The following MYH11 variants were observed in gnomAD, a reference collection of about 807,000 sequenced individuals.
The protein encoded by MYH11 is myosin-11.
In MYH11, 80 loss-of-function variants were observed where a neutral mutation model predicts 246.6. The ratio of observed to expected loss-of-function variants is 0.32; its 90% CI spans 0.27 to 0.39. MYH11 has a LOEUF of 0.39. Ranked by LOEUF, MYH11 falls within the 10% of genes least tolerant of loss-of-function variation. The probability of loss-of-function intolerance (pLI) is 1.00; values close to 1 mark genes in which losing one functional copy is unlikely to be tolerated. For synonymous variants in MYH11, 1,071 were observed against 1,015.5 expected (o/e 1.05, Z -1.04); for missense variants, 2,158 against 2,546.8 (o/e 0.85, Z 3.29).
intron 1 of MYH11, among the ~76,000 whole-genome samples, chr16:15,840,579 A>C (rs1241605365): frequency 6.6e-6 from 1 of 152,138 alleles, no homozygotes; most frequent in Non-Finnish European, 1.5e-5. Flanking sequence ...AAAAAAATTA[A>C]AAATTAGCCT....
intron 1 of MYH11, among the ~76,000 whole-genome samples, chr16:15,847,265 T>TTTTTTTTTTTTC (rs574635258): frequency 8.6e-6 from 1 of 116,134 alleles, no homozygotes. Context: ...TTTTTTTTTT[T>TTTTTTTTTTTTC]TCTGAGACAG....
chr16:15,722,587 C>T (rs941623257), intron 31 of MYH11, among the ~76,000 whole-genome samples: 11 of 152,080 alleles, frequency 7.2e-5, no homozygotes, highest in Non-Finnish European at 1.6e-4. Flanking sequence ...AACCAGATAA[C>T]GAAGCATTGA....
chr16:15,809,847 G>C (rs2043098519), intron 3 of MYH11, among the ~76,000 whole-genome samples: 1 of 148,940 alleles, frequency 6.7e-6, no homozygotes, highest in South Asian at 2.2e-4. Flanking sequence ...CCTGAGCCTG[G>C]AGAGGCTGAG....
chr16:15,709,030 C>A (rs754546142), intron 40 of MYH11, among the ~76,000 whole-genome samples: 12 of 152,042 alleles, frequency 7.9e-5, no homozygotes, highest in Non-Finnish European at 1.8e-4. Context: ...GCAACCTCTA[C>A]GTCCTGGATT....
Position 15,735,443 on chromosome 16 carries a change from G to A in MYH11, c.3429C>T (p.Asp1143=). ...ARNKAEKQKR[D]LGEELEALKT... is the part of the protein sequence containing the mutation. ...TTAGGGCCTCCAGCTCCTCGCCGAG[G>A]TCTCGCTTCTGCTTTTCAGCCTTGT... The change falls in exon 26 of 41, where the codon GAC becomes GAT. Residue 1143 remains aspartate, a synonymous_variant. Transcript: ENST00000300036. The A allele has an allele frequency of 6.2e-7, 1 of 1,614,094 alleles. No individual in the cohort carries two copies. Among genetic ancestry groups the A allele is most frequent in the South Asian group, 1.1e-5 (1 of 91,084 alleles).
intron 1 of MYH11, among the ~76,000 whole-genome samples, chr16:15,846,441 G>A (rs2044191690): frequency 6.6e-6 from 1 of 152,192 alleles, no homozygotes; most frequent in African/African-American, 2.4e-5. Context: ...AGGAATGAAT[G>A]AGTCTCCGGT....
chr16:15,747,908 C>A lies in MYH11; in HGVS notation c.2216G>T (p.Gly739Val), dbSNP rs771806682. 4 of 1,613,824 alleles carry A rather than the reference C, an allele frequency of 2.5e-6. No individual in the cohort carries two copies. The highest frequency in any genetic ancestry group is 1.1e-5 in the South Asian group (1 of 91,070). ...GCAGGCCTGCTTCCCGTCCATGAAG[C>A]CTTTGGGGATGGCATTCGCCGCCAG... Reference protein sequence around the residue: ...EILAANAIPKGFMDGKQACIL... With the variant: ...EILAANAIPKVFMDGKQACIL... The change falls in exon 18 of 41, where the codon GGC (glycine) becomes GTC (valine). Residue 739 changes from glycine to valine, a missense_variant. By Grantham distance (109) the Gly-to-Val change is moderately radical. Around this residue, in one of 11 missense-constraint regions of MYH11, gnomAD observed 56 missense variants for 47.2 expected, o/e 1.19. Coordinates refer to ENST00000300036, the MANE Select transcript of MYH11 (RefSeq NM_002474.3).
At chr16:15,731,809 G>A (rs1224837587) in intron 27 of MYH11, among the ~76,000 whole-genome samples, 1 of 151,688 alleles carries the variant, frequency 6.6e-6, no homozygotes. Context: ...TTTATTGTTT[G>A]ATTAAGGTCT....
At position 15,838,181 on chromosome 16, in the gene MYH11, T is replaced by G. The variant is rs1180093092; in HGVS notation, c.72A>C (p.Pro24=). The change falls in exon 2 of 41, where the codon CCA becomes CCC. Residue 24 remains proline, a synonymous_variant. Coordinates refer to ENST00000300036, the MANE Select transcript of MYH11 (RefSeq NM_002474.3). ...TGGCGGCCCAGTCAGCCTGGGCCACTGGGCTGTTGATGAAGTTTTTGTCCA... is the reference window on the plus strand; with the variant it reads ...TGGCGGCCCAGTCAGCCTGGGCCACGGGGCTGTTGATGAAGTTTTTGTCCA... ...LFVDKNFINS[P]VAQADWAAKR... is the part of the protein sequence containing the mutation. 1.9e-6 allele frequency: 3 copies of G among 1,614,134 alleles called. No individual in the cohort carries two copies. The East Asian group carries it at 6.7e-5, about 36-fold the overall frequency.
Position 15,812,344 on chromosome 16 carries a change from C to CCA in MYH11, c.502+10909_502+10910dup, listed in dbSNP as rs373002034. Among the ~76,000 whole-genome samples, 648 of 151,990 alleles carry CCA rather than the reference C, an allele frequency of 4.3e-3. 5 individuals carry two copies. The Middle Eastern group carries it at 0.051, about 12-fold the overall frequency. ...TTGTAAGCATATGCTGAGGGCACACCCACACAGGCATGCACGAGAAGGAAG... is the reference window on the plus strand; with the variant it reads ...TTGTAAGCATATGCTGAGGGCACACCCACACACAGGCATGCACGAGAAGGAAG... On this transcript the variant is annotated intron_variant, in intron 3 of 40. Transcript: ENST00000300036.
intron 1 of MYH11, among the ~76,000 whole-genome samples, chr16:15,849,751 C>A (rs1192438688): frequency 6.6e-6 from 1 of 152,202 alleles, no homozygotes; most frequent in Admixed American, 6.5e-5. Context: ...CGCGCCCAGG[C>A]TGCTTCATTT....
Position 15,724,666 on chromosome 16 carries a change from A to T in MYH11, c.4097T>A (p.Ile1366Asn). Reference protein sequence around the residue: ...MEAKQNLERHISTLNIQLSDS... With the variant: ...MEAKQNLERHNSTLNIQLSDS... ...AGGCACCTGGATGTTGAGAGTGGAGATGTGGCGCTCCAGGTTCTGCTTGGC... is the reference window on the plus strand; with the variant it reads ...AGGCACCTGGATGTTGAGAGTGGAGTTGTGGCGCTCCAGGTTCTGCTTGGC... Residue 1366 changes from isoleucine to asparagine, a missense_variant, in exon 30 of 41, where the codon ATC (isoleucine) becomes AAC (asparagine). Around this residue, in one of 11 missense-constraint regions of MYH11, gnomAD observed 1,013 missense variants for 993.5 expected, o/e 1.02. Coordinates refer to ENST00000300036, the MANE Select transcript of MYH11 (RefSeq NM_002474.3). The T allele has an allele frequency of 6.2e-7, 1 of 1,614,110 alleles. No homozygotes were observed. The highest frequency in any genetic ancestry group is 8.5e-7 in the Non-Finnish European group (1 of 1,180,012).
intron 4 of MYH11, among the ~76,000 whole-genome samples, chr16:15,796,946 A>G (rs984073042): frequency 3.9e-5 from 6 of 152,176 alleles, no homozygotes; most frequent in African/African-American, 7.2e-5. Context: ...GTCAAACATC[A>G]AATGTGTACA....
chr16:15,734,735 T>C (rs894247043), intron 26 of MYH11, among the ~76,000 whole-genome samples: 1 of 152,258 alleles, frequency 6.6e-6, no homozygotes, highest in Admixed American at 6.5e-5. Flanking sequence ...GAGATGTTTT[T>C]TCCAATTTGT....
rs781711607 is a variant in MYH11, at chr16:15,741,542, A to G, written c.2780T>C (p.Met927Thr). The G allele has an allele frequency of 5.6e-6, 9 of 1,610,566 alleles. No homozygotes were observed. The highest frequency in any genetic ancestry group is 1.1e-5 in the South Asian group (1 of 91,070). The stretch of plus-strand genomic sequence containing the variant: ...TTCCTCCTCCTCCAGGCGGGCCTCC[A>G]TCTCATGCAGTATCTCCTCCAGCTC... ...KQELEEILHE[M>T]EARLEEEEDR... The change falls in exon 22 of 41, where the codon ATG becomes ACG. Residue 927 changes from methionine (M) to threonine (T), a missense_variant. By Grantham distance (81) the Met-to-Thr change is moderately conservative (BLOSUM62 -1). Coordinates refer to ENST00000300036, the MANE Select transcript of MYH11 (RefSeq NM_002474.3).
intron 30 of MYH11, 96 bp downstream of exon 30, chr16:15,724,551 A>G (rs575181286): frequency 8.3e-5 from 134 of 1,608,574 alleles, no homozygotes; most frequent in Non-Finnish European, 1.1e-4. Context: ...GTCAAGCACC[A>G]TCGCACCAAC....
At chr16:15,719,903 C>T in intron 34 of MYH11, among the ~76,000 whole-genome samples, 190 bp from the exon 35 acceptor site, 1 of 152,158 alleles carries the variant, frequency 6.6e-6, no homozygotes, top group Non-Finnish European at 1.5e-5. Context: ...GGGTGGGCTC[C>T]ACAGACCTGC....
chr16:15,786,305 G>C (rs2042467788), intron 5 of MYH11: 1 of 445,484 alleles, frequency 2.2e-6, no homozygotes, highest in Admixed American at 3.3e-5. Flanking sequence ...CCCCTCCAAG[G>C]AAGAGTTATC....
Position 15,730,806 on chromosome 16 carries a change from G to C in MYH11, c.3651+1758C>G, listed in dbSNP as rs927605608. 5.3e-5 allele frequency among the ~76,000 whole-genome samples: 8 copies of C among 152,220 alleles called. No homozygotes were observed. In the South Asian group the frequency reaches 1.7e-3, roughly 32 times the overall value. On this transcript the variant is annotated intron_variant, in intron 27 of 40. Transcript: ENST00000300036. ...AACTTACCCTGGGGAATGAAGCACA[G>C]GCACTACCCCAAAGGAGAGAAGAGC...
Sources: allele counts gnomAD v4.1 joint callset (sites outside exome capture counted in the v4.1 genomes callset), GRCh38; gene constraint gnomAD v4.1.1; regional missense constraint gnomAD v4.1.1; transcripts MANE v1.5; gene names NCBI Gene and HGNC (gene_info 2026-07-23, HGNC 2026-07-21).